Variants in CLDN12 observed in about 807,000 individuals in gnomAD.
CLDN12 encodes claudin 12, also known as claudin-12.
CLDN12 carries 9 observed loss-of-function variants against 15.5 expected under a neutral mutation model. That is an observed-to-expected ratio of 0.58 (90% CI 0.35 to 1.02). The LOEUF is 1.02. Ranked by LOEUF, CLDN12 falls within the 50% of genes least tolerant of loss-of-function variation. CLDN12 has a pLI of 0.02. For missense variants in CLDN12, 233 were observed against 297.3 expected (o/e 0.78, Z 1.59); for synonymous variants, 140 against 121.6 (o/e 1.15, Z -1.00).
intron 2 of CLDN12, among the ~76,000 whole-genome samples, chr7:90,407,058 A>C (rs1796850541): frequency 6.6e-6 from 1 of 152,162 alleles, no homozygotes. Context: ...ATACCGGAAC[A>C]GTGGACTTTT....
chr7:90,406,554 T>C (rs551975693), intron 2 of CLDN12, among the ~76,000 whole-genome samples: 1 of 152,358 alleles, frequency 6.6e-6, no homozygotes, highest in South Asian at 2.1e-4. Flanking sequence ...ATAAGCCTGC[T>C]AATAATCATT....
rs1471326978 is a variant in CLDN12, at chr7:90,412,946, A to G, written c.270A>G (p.Leu90=). 6.2e-7 allele frequency: 1 copy of G among 1,613,938 alleles called. No individual in the cohort carries two copies. The part of the protein sequence containing the change: ...QLDLRVLQFA[L]PLSMLIAMGA... The stretch of plus-strand genomic sequence containing the variant: ...ACCTGCGTGTCCTCCAGTTTGCCCT[A>G]CCCCTCAGCATGCTGATCGCCATGG... The change falls in exon 4 of 4, where the codon CTA becomes CTG. Residue 90 remains leucine, a synonymous_variant. Transcript: ENST00000496677.
rs1436790996 is a variant in CLDN12 at position 90,414,427 on chromosome 7, C to A, written c.*1016C>A. 1.0e-6 allele frequency: 1 copy of A among 993,106 alleles called. No individual in the cohort carries two copies. Among genetic ancestry groups the A allele is most frequent in the Non-Finnish European group, 1.2e-6 (1 of 823,632 alleles). The allele number at this position is 993,106 out of a possible 1,614,324, so 61.5% of individuals were successfully genotyped here. A position where few individuals can be genotyped will look rare whatever the true frequency, so the allele number is the denominator to read the frequency against. On this transcript the variant is annotated 3_prime_UTR_variant, in exon 4 of 4. Transcript: ENST00000496677. ...ACTGATTATTTCCTTGAGCATATAT[C>A]TCTGCCTAACACTTTAGTAGGTGCT...
chr7:90,406,063 A>AG (rs1796830022), intron 2 of CLDN12: 2 of 152,496 alleles, frequency 1.3e-5, no homozygotes, highest in South Asian at 4.1e-4. Flanking sequence ...TGATTGCACC[A>AG]CTGTGCTCCA....
chr7:90,412,530 TC>T (rs1796988067), intron 3 of CLDN12, 113 bp from the exon 4 acceptor site: 1 of 831,528 alleles, frequency 1.2e-6, no homozygotes, highest in Non-Finnish European at 1.9e-6. Context: ...GGAGAGACTT[TC>T]CCTCTTTGCA....
intron 2 of CLDN12, among the ~76,000 whole-genome samples, chr7:90,408,022 T>C (rs1029100907): frequency 9.2e-5 from 14 of 152,098 alleles, no homozygotes; most frequent in Non-Finnish European, 8.8e-5. Flanking sequence ...TGGGAACTTA[T>C]TGAATGGTAA....
chr7:90,404,760 T>C (rs142346090), intron 1 of CLDN12, among the ~76,000 whole-genome samples: 3 of 152,334 alleles, frequency 2.0e-5, no homozygotes, highest in African/African-American at 7.2e-5. Context: ...AAAGTGTTTT[T>C]CATCCTCATT....
chr7:90,414,398 C>A lies in CLDN12; in HGVS notation c.*987C>A. 1.0e-6 allele frequency: 1 copy of A among 1,000,126 alleles called. No homozygotes were observed. The highest frequency in any genetic ancestry group is 1.2e-6 in the Non-Finnish European group (1 of 829,938). 62.0% of individuals were successfully genotyped at this position (1,000,126 alleles called of 1,614,324 possible). ...TCACCCTTGATTCATTTCTCGCCCC[C>A]GTCACTGATTATTTCCTTGAGCATA... On this transcript the variant is annotated 3_prime_UTR_variant, in exon 4 of 4. Coordinates refer to ENST00000496677, the MANE Select transcript of CLDN12 (RefSeq NM_001185072.3).
intron 1 of CLDN12, among the ~76,000 whole-genome samples, chr7:90,405,077 T>A (rs941033283): frequency 3.3e-5 from 5 of 151,896 alleles, no homozygotes; most frequent in Admixed American, 6.6e-5. Flanking sequence ...TATTATTATT[T>A]TTTGAGCCAG....
Position 90,413,982 on chromosome 7 carries a change from A to C in CLDN12, c.*571A>C. ...TCTTCTACCTCATGCCACTGTTTAA[A>C]AGTAAAACGTATTTTAACGATGTTA... is the stretch of plus-strand genomic sequence containing the variant. On this transcript the variant is annotated 3_prime_UTR_variant, in exon 4 of 4. Transcript: ENST00000496677. 1 of 982,362 alleles carries C rather than the reference A, an allele frequency of 1.0e-6. No homozygotes were observed. Among genetic ancestry groups the C allele is most frequent in the Non-Finnish European group, 1.2e-6 (1 of 814,412 alleles). The allele number at this position is 982,362 out of a possible 1,614,324, so 60.9% of individuals were successfully genotyped here. A position where few individuals can be genotyped will look rare whatever the true frequency, so the allele number is the denominator to read the frequency against.
chr7:90,412,505 C>T, intron 3 of CLDN12, 139 bp from the exon 4 acceptor site: 1 of 686,502 alleles, frequency 1.5e-6, no homozygotes, highest in South Asian at 1.9e-5. Context: ...TTGTACTGTA[C>T]AGAGAGGAAA....
At chr7:90,408,279 G>T (rs2115875927) in intron 2 of CLDN12, among the ~76,000 whole-genome samples, 1 of 152,266 alleles carries the variant, frequency 6.6e-6, no homozygotes, top group Non-Finnish European at 1.5e-5. Context: ...GAGGTGGGGG[G>T]ATTGCTTGAG....
In CLDN12 at chr7:90,415,315, ATTTT is replaced by A. The variant is rs1370335953; in HGVS notation, c.*1905_*1908del. On this transcript the variant is annotated 3_prime_UTR_variant, in exon 4 of 4. Coordinates refer to ENST00000496677, the MANE Select transcript of CLDN12 (RefSeq NM_001185072.3). ...GGGTAGAATTTTGAGATTAATGTTA[ATTTT>A]CCCTTTTTGTTAATTTCAGTCCCCT... The A allele has an allele frequency of 6.0e-6, 1 of 166,536 alleles. No homozygotes were observed. The highest frequency in any genetic ancestry group is 2.4e-5 in the African/African-American group (1 of 41,412). The allele number at this position is 166,536 out of a possible 1,614,324, so 10.3% of individuals were successfully genotyped here.
chr7:90,413,356 G>A lies in CLDN12; in HGVS notation c.680G>A (p.Arg227His), dbSNP rs865961955. Reference protein sequence around the residue: ...MHTYSQPYSARSRLSAIEIDI... With the variant: ...MHTYSQPYSAHSRLSAIEIDI... Reference sequence around the variant, plus strand: ...ACTTACTCACAGCCCTATTCAGCACGCTCTCGCCTCTCTGCCATTGAAATT... The same window carrying A: ...ACTTACTCACAGCCCTATTCAGCACACTCTCGCCTCTCTGCCATTGAAATT... Residue 227 changes from arginine (R) to histidine (H), a missense_variant, in exon 4 of 4, where the codon CGC becomes CAC. By Grantham distance (29) the Arg-to-His change is conservative. Transcript: ENST00000496677. 5 of 1,614,044 alleles carry A rather than the reference G, an allele frequency of 3.1e-6. No homozygotes were observed. Among genetic ancestry groups the A allele is most frequent in the South Asian group, 1.1e-5 (1 of 91,070 alleles).
Position 90,413,291 on chromosome 7 carries a change from T to C in CLDN12, c.615T>C (p.Pro205=). ...GTACATGCAAATCTTTGCCTTCTCC[T>C]TTCTGGCAACCATTGTACTCCCATC... ...WYCTCKSLPS[P]FWQPLYSHPP... is the part of the protein sequence containing the mutation. Residue 205 remains proline, a synonymous_variant, in exon 4 of 4, where the codon CCT becomes CCC. Coordinates refer to ENST00000496677, the MANE Select transcript of CLDN12 (RefSeq NM_001185072.3). The C allele has an allele frequency of 1.2e-6, 2 of 1,614,214 alleles. No homozygotes were observed. Among genetic ancestry groups the C allele is most frequent in the African/African-American group, 1.3e-5 (1 of 75,060 alleles).
rs1797025797 is a variant in CLDN12, at chr7:90,414,074, A to T, written c.*663A>T. ...CATGTAATAATTTTTAACATTAATG[A>T]TTCCATAAATTGTATTATTGGGATT... On this transcript the variant is annotated 3_prime_UTR_variant, in exon 4 of 4. Coordinates refer to ENST00000496677, the MANE Select transcript of CLDN12 (RefSeq NM_001185072.3). 1 of 996,184 alleles carries T rather than the reference A, an allele frequency of 1.0e-6. No homozygotes were observed. The highest frequency in any genetic ancestry group is 1.2e-6 in the Non-Finnish European group (1 of 826,504). The allele number at this position is 996,184 out of a possible 1,614,324, so 61.7% of individuals were successfully genotyped here.
chr7:90,414,612 AC>A lies in CLDN12; in HGVS notation c.*1202del, dbSNP rs1797039089. On this transcript the variant is annotated 3_prime_UTR_variant, in exon 4 of 4. Coordinates refer to ENST00000496677, the MANE Select transcript of CLDN12 (RefSeq NM_001185072.3). ...ATCCAGGAATATTTCAACCAGAGAC[AC>A]AACTTTCTGGCAGACAGACAAATTG... is the stretch of plus-strand genomic sequence containing the variant. 5.8e-6 allele frequency: 1 copy of A among 171,096 alleles called. No homozygotes were observed. Among genetic ancestry groups the A allele is most frequent in the Non-Finnish European group, 1.4e-5 (1 of 71,788 alleles). The allele number at this position is 171,096 out of a possible 1,614,324, so 10.6% of individuals were successfully genotyped here.
chr7:90,415,790 A>G lies in CLDN12; in HGVS notation c.*2379A>G, dbSNP rs1004331449. 20 of 167,108 alleles carry G rather than the reference A, an allele frequency of 1.2e-4. No homozygotes were observed. The highest frequency in any genetic ancestry group is 4.6e-4 in the African/African-American group (19 of 41,466). The allele number at this position is 167,108 out of a possible 1,614,324, so 10.4% of individuals were successfully genotyped here. A position where few individuals can be genotyped will look rare whatever the true frequency, so the allele number is the denominator to read the frequency against. On this transcript the variant is annotated 3_prime_UTR_variant, in exon 4 of 4. Coordinates refer to ENST00000496677, the MANE Select transcript of CLDN12 (RefSeq NM_001185072.3). ...GGAAAACAACCTTAAATGTGGATGT[A>G]TCAGATTTGGTTTATCCAGCCATGG... is the stretch of plus-strand genomic sequence containing the variant.
At position 90,415,196 on chromosome 7, in the gene CLDN12, AT is replaced by A; in HGVS notation, c.*1792del. ...TCAGTAGAAAGCACACAAGGTTATG[AT>A]TTTTTTAATTACTGGCTTCTGATTT... On this transcript the variant is annotated 3_prime_UTR_variant, in exon 4 of 4. Coordinates refer to ENST00000496677, the MANE Select transcript of CLDN12 (RefSeq NM_001185072.3). 2 of 165,168 alleles carry A rather than the reference AT, an allele frequency of 1.2e-5. No homozygotes were observed. 10.2% of individuals were successfully genotyped at this position (165,168 alleles called of 1,614,324 possible). A position where few individuals can be genotyped will look rare whatever the true frequency, so the allele number is the denominator to read the frequency against.
Sources: gnomAD v4.1 joint callset for allele counts (sites outside exome capture counted in the v4.1 genomes callset) on GRCh38, gnomAD v4.1.1 for gene constraint, MANE v1.5 for transcripts, NCBI Gene and HGNC (gene_info 2026-07-23, HGNC 2026-07-21) for gene names.